ROBO2: variants seen among roughly 807,000 people sequenced by gnomAD.
ROBO2 encodes the protein roundabout homolog 2.
ROBO2 carries 53 observed loss-of-function variants against 160.8 expected under a neutral mutation model. The observed-to-expected ratio is 0.33, with a 90% CI of 0.26 to 0.41. ROBO2 has a LOEUF of 0.41. Ranked by LOEUF, ROBO2 falls within the 10% of genes least tolerant of loss-of-function variation. ROBO2 has a pLI of 1.00. For missense variants in ROBO2, 1,577 were observed against 1,722.4 expected (o/e 0.92, Z 1.49); for synonymous variants, 664 against 611.7 (o/e 1.09, Z -1.26).
intron 2 of ROBO2, among the ~76,000 whole-genome samples, chr3:76,049,947 A>G (rs1341170272): frequency 6.6e-6 from 1 of 152,172 alleles, no homozygotes; most frequent in African/African-American, 2.4e-5. Context: ...AAGCATAGCA[A>G]AGCTCTGATT....
At chr3:77,320,255 T>G (rs2064527374) in intron 2 of ROBO2, among the ~76,000 whole-genome samples, 1 of 152,178 alleles carries the variant, frequency 6.6e-6, no homozygotes, top group Admixed American at 6.5e-5. Flanking sequence ...TTTTTACTCT[T>G]GATTTCTAGC....
Position 76,769,546 on chromosome 3 carries a change from A to T in ROBO2, c.110-328468A>T, listed in dbSNP as rs948796712. 2.0e-5 allele frequency among the ~76,000 whole-genome samples: 3 copies of T among 151,398 alleles called. No individual in the cohort carries two copies. In the East Asian group the frequency reaches 5.9e-4, roughly 30 times the overall value. On this transcript the variant is annotated intron_variant, in intron 2 of 26. Transcript: ENST00000487694. Reference sequence around the variant, plus strand: ...ATTCAGAACAAAGGCCAAAATAACTATTGTCATAAGACAAAATATGAAACA... The same window carrying T: ...ATTCAGAACAAAGGCCAAAATAACTTTTGTCATAAGACAAAATATGAAACA...
intron 2 of ROBO2, among the ~76,000 whole-genome samples, chr3:76,348,802 T>C (rs1489074076): frequency 2.0e-5 from 3 of 152,080 alleles, no homozygotes; most frequent in African/African-American, 7.2e-5. Context: ...CAAATCTAAA[T>C]TGCCCTGAAG....
At chr3:77,605,974 C>T (rs548291007) in intron 20 of ROBO2, among the ~76,000 whole-genome samples, 90 of 152,048 alleles carry the variant, frequency 5.9e-4, no homozygotes, top group Non-Finnish European at 1.2e-3. Context: ...TCATTGAAAC[C>T]GAGTTCTGAT....
intron 2 of ROBO2, among the ~76,000 whole-genome samples, chr3:76,679,528 A>G (rs999650669): frequency 6.6e-6 from 1 of 152,280 alleles, no homozygotes; most frequent in Non-Finnish European, 1.5e-5. Flanking sequence ...TGCCTGCTAA[A>G]CAATTCAGCG....
chr3:77,209,477 A>T (rs1174469272), intron 2 of ROBO2, among the ~76,000 whole-genome samples: 1 of 152,202 alleles, frequency 6.6e-6, no homozygotes, highest in Non-Finnish European at 1.5e-5. Context: ...ATAATTCATT[A>T]GGCACACACT....
chr3:77,179,361 A>C (rs1433984839), intron 2 of ROBO2, among the ~76,000 whole-genome samples: 1 of 151,982 alleles, frequency 6.6e-6, no homozygotes, highest in Non-Finnish European at 1.5e-5. Flanking sequence ...TTTCCTTTTC[A>C]GCTATTTTTT....
rs117137180 is a variant in ROBO2, at chr3:77,317,320, G to A, written c.389-160094G>A. The A allele has an allele frequency of 1.4e-4, 104 of 766,426 alleles. 2 individuals carry two copies. In the East Asian group the frequency reaches 2.5e-3, roughly 18 times the overall value. 47.5% of individuals were successfully genotyped at this position (766,426 alleles called of 1,614,324 possible). ...GGTGACGAGGATGAATGCAAGGTCAGCCTCAGGCCACGTGCAAGCTGACCG... is the reference window on the plus strand; with the variant it reads ...GGTGACGAGGATGAATGCAAGGTCAACCTCAGGCCACGTGCAAGCTGACCG... On this transcript the variant is annotated intron_variant, in intron 2 of 25. Coordinates refer to ENST00000461745, the Ensembl canonical transcript of ROBO2.
chr3:76,268,623 A>T lies in ROBO2; in HGVS notation c.109+331021A>T, dbSNP rs188142217. Among the ~76,000 whole-genome samples, 1,198 of 152,242 alleles carry T rather than the reference A, an allele frequency of 7.9e-3. 7 individuals carry two copies. The highest frequency in any genetic ancestry group is 0.024 in the African/African-American group (1,017 of 41,542). ...CTCACTGGATTAGGCTCCCACCGTT[A>T]AGACCTCCTTTAACCTTAATTACCT... is the stretch of plus-strand genomic sequence containing the variant. On this transcript the variant is annotated intron_variant, in intron 2 of 26. Coordinates refer to the ROBO2 transcript ENST00000487694.
intron 2 of ROBO2, among the ~76,000 whole-genome samples, chr3:77,436,913 C>G (rs1028081334): frequency 6.6e-6 from 1 of 151,898 alleles, no homozygotes; most frequent in African/African-American, 2.4e-5. Flanking sequence ...TGTATTCAGG[C>G]TTTGCTTATG....
intron 2 of ROBO2, among the ~76,000 whole-genome samples, chr3:77,223,473 T>G (rs1438901434): frequency 6.6e-6 from 1 of 152,144 alleles, no homozygotes; most frequent in Non-Finnish European, 1.5e-5. Context: ...CCTTGAAATT[T>G]AGACCCACAT....
chr3:75,944,778 G>C (rs1948206857), intron 2 of ROBO2, among the ~76,000 whole-genome samples: 1 of 152,054 alleles, frequency 6.6e-6, no homozygotes, highest in Non-Finnish European at 1.5e-5. Context: ...ATAATAATTG[G>C]GATGCAATTG....
chr3:76,019,560 T>C (rs558110141), intron 2 of ROBO2, among the ~76,000 whole-genome samples: 367 of 151,982 alleles, frequency 2.4e-3, no homozygotes, highest in Non-Finnish European at 3.8e-3. Context: ...TCCGTGTATA[T>C]CTGAGAATAC....
At chr3:76,721,930 G>T (rs750090625) in intron 2 of ROBO2, among the ~76,000 whole-genome samples, 1 of 152,154 alleles carries the variant, frequency 6.6e-6, no homozygotes, top group East Asian at 1.9e-4. Flanking sequence ...CATTGCCAAG[G>T]GGGTAGAGTT....
At chr3:76,184,890 T>C (rs1701671279) in intron 2 of ROBO2, among the ~76,000 whole-genome samples, 1 of 151,808 alleles carries the variant, frequency 6.6e-6, no homozygotes, top group Admixed American at 6.6e-5. Flanking sequence ...TATTTGCCTT[T>C]TTTTCTGTTT....
intron 1 of ROBO2, among the ~76,000 whole-genome samples, chr3:75,923,652 A>T (rs1302523687): frequency 1.3e-5 from 2 of 152,210 alleles, no homozygotes; most frequent in East Asian, 1.9e-4. Context: ...ATACACACCA[A>T]ATGAAATCCA....
At chr3:76,296,423 C>G (rs1230035543) in intron 2 of ROBO2, among the ~76,000 whole-genome samples, 1 of 152,170 alleles carries the variant, frequency 6.6e-6, no homozygotes, top group African/African-American at 2.4e-5. Flanking sequence ...CAGATAATTT[C>G]CTCTGTCCTT....
chr3:76,477,227 A>G (rs2078976450), intron 2 of ROBO2, among the ~76,000 whole-genome samples: 1 of 152,168 alleles, frequency 6.6e-6, no homozygotes, highest in Non-Finnish European at 1.5e-5. Context: ...TATGTTTGTA[A>G]AAAGATGATG....
chr3:76,341,929 A>G (rs144026887), intron 2 of ROBO2, among the ~76,000 whole-genome samples: 2,085 of 152,298 alleles, frequency 0.014, 37 homozygotes, highest in Admixed American at 0.038. Context: ...ATCCAGGTGA[A>G]TAACAATTTC....
Sources: gnomAD v4.1 joint callset for allele counts (sites outside exome capture counted in the v4.1 genomes callset) on GRCh38, gnomAD v4.1.1 for gene constraint, MANE v1.5 for transcripts, NCBI Gene and HGNC (gene_info 2026-07-23, HGNC 2026-07-21) for gene names.